The following PCDHGA8 variants were observed in gnomAD, a reference collection of about 807,000 sequenced individuals.
The protein encoded by PCDHGA8 is protocadherin gamma subfamily A, 8.
In PCDHGA8, 45 loss-of-function variants were observed where a neutral mutation model predicts 59.2. That is an observed-to-expected ratio of 0.76 (90% CI 0.60 to 0.98). The LOEUF is 0.98. Among genes scored for constraint, PCDHGA8 ranks in the 50% least tolerant of loss-of-function variants. PCDHGA8 has a pLI of 0.00. For missense variants in PCDHGA8, 1,257 were observed against 1,196.2 expected (o/e 1.05, Z -0.75); for synonymous variants, 531 against 519.0 (o/e 1.02, Z -0.32).
chr5:141,428,108 G>C (rs771684309), intron 1 of PCDHGA8: 6 of 1,608,094 alleles, frequency 3.7e-6, no homozygotes, highest in Admixed American at 1.7e-5. Context: ...ACGTGCTGCA[G>C]GCCATCGAGC....
At chr5:141,449,467 C>G (rs1356192128) in intron 1 of PCDHGA8, among the ~76,000 whole-genome samples, 1 of 150,842 alleles carries the variant, frequency 6.6e-6, no homozygotes, top group South Asian at 2.1e-4. Flanking sequence ...ATTAGCCAGG[C>G]CTGGTACCCC....
At chr5:141,412,713 TG>T (rs1172943618) in intron 1 of PCDHGA8, 2 of 152,812 alleles carry the variant, frequency 1.3e-5, no homozygotes, top group Non-Finnish European at 2.9e-5. Context: ...TGTACATTTC[TG>T]TTGGGAAAAC....
At chr5:141,400,551 T>G in intron 1 of PCDHGA8, 1 of 1,613,726 alleles carries the variant, frequency 6.2e-7, no homozygotes, top group Non-Finnish European at 8.5e-7. Context: ...TCTATTCTTT[T>G]TCATTACCCA....
intron 1 of PCDHGA8, chr5:141,400,587 C>T: frequency 6.2e-7 from 1 of 1,606,696 alleles, no homozygotes; most frequent in South Asian, 1.1e-5. Flanking sequence ...TTACATGAAA[C>T]TATCGTACAT....
At chr5:141,471,571 A>G (rs1417147609) in intron 1 of PCDHGA8, 1 of 152,224 alleles carries the variant, frequency 6.6e-6, no homozygotes, top group African/African-American at 2.4e-5. Context: ...GGGTAGCAGT[A>G]GATAGGGTAA....
intron 1 of PCDHGA8, chr5:141,413,899 A>G: frequency 1.2e-6 from 2 of 1,613,286 alleles, no homozygotes; most frequent in Non-Finnish European, 1.7e-6. Context: ...TGCAAATGAC[A>G]ACGCGCCGGT....
chr5:141,477,175 A>T lies in PCDHGA8; in HGVS notation c.2425-17632A>T, dbSNP rs1338347224. On this transcript the variant is annotated intron_variant, in intron 1 of 3. Transcript: ENST00000398604. This position sits in a 1 kb window ranked among gnomAD's most constrained non-coding sequence, Gnocchi z 4.9. ...TGAATGACAACGCCCCGGAGATCAC[A>T]GTCACCTCCGTGTACAGCCCAGTAC... is the stretch of plus-strand genomic sequence containing the variant. The T allele has an allele frequency of 1.2e-6, 2 of 1,614,186 alleles. No individual in the cohort carries two copies. The highest frequency in any genetic ancestry group is 3.3e-5 in the Admixed American group (2 of 60,028).
intron 1 of PCDHGA8, among the ~76,000 whole-genome samples, chr5:141,445,961 G>T (rs944876169): frequency 1.3e-5 from 2 of 152,158 alleles, no homozygotes; most frequent in Non-Finnish European, 2.9e-5. Context: ...GCTATATGGA[G>T]AATTGATTTA....
intron 1 of PCDHGA8, among the ~76,000 whole-genome samples, chr5:141,448,809 A>G (rs998129053): frequency 9.2e-5 from 14 of 151,812 alleles, no homozygotes; most frequent in Non-Finnish European, 1.8e-4. Flanking sequence ...GCCAGGCGTG[A>G]TGGCGGGCGC....
intron 1 of PCDHGA8, 106 bp from the exon 2 acceptor site, chr5:141,494,701 C>T: frequency 6.3e-7 from 1 of 1,594,596 alleles, no homozygotes; most frequent in Admixed American, 1.7e-5. Flanking sequence ...CCGTTTTCTT[C>T]TCTGTGCCCA....
intron 1 of PCDHGA8, chr5:141,404,452 T>G (rs1197188094): frequency 2.5e-6 from 4 of 1,613,228 alleles, no homozygotes; most frequent in Non-Finnish European, 3.4e-6. Context: ...AAGGGTCTCC[T>G]CTCTCCACCT....
In PCDHGA8 at chr5:141,486,370, T is replaced by A; in HGVS notation, c.2425-8437T>A. On this transcript the variant is annotated intron_variant, in intron 1 of 3. Transcript: ENST00000398604. This position sits in a 1 kb window ranked among gnomAD's most constrained non-coding sequence, Gnocchi z 5.0. ...ACCACTTGCCATTTGCCCTCAAGTC[T>A]GCCTTCAGGAACCAGTTCTCCCTGG... 1 of 1,614,106 alleles carries A rather than the reference T, an allele frequency of 6.2e-7. No homozygotes were observed. The highest frequency in any genetic ancestry group is 8.5e-7 in the Non-Finnish European group (1 of 1,179,986).
intron 1 of PCDHGA8, chr5:141,441,621 G>C (rs2098260273): frequency 9.0e-6 from 2 of 223,292 alleles, no homozygotes; most frequent in Non-Finnish European, 1.8e-5. Flanking sequence ...CGTGGCCAGT[G>C]ACCTGGAGCC....
At position 141,489,662 on chromosome 5, in the gene PCDHGA8, G is replaced by A. The variant is rs2233601; in HGVS notation, c.2425-5145G>A. On this transcript the variant is annotated intron_variant, in intron 1 of 3. Coordinates refer to ENST00000398604, the MANE Select transcript of PCDHGA8 (RefSeq NM_032088.2). This position sits in a 1 kb window ranked among gnomAD's most constrained non-coding sequence, Gnocchi z 4.5. ...TTTGCCACCCCTGAGCGAGAGATGC[G>A]CATCTCAGAATCAGCAGCATCTGGG... The A allele has an allele frequency of 4.0e-4, 649 of 1,614,144 alleles. 2 individuals are homozygous for A. The highest frequency in any genetic ancestry group is 1.5e-3 in the Middle Eastern group (9 of 6,062).
At chr5:141,475,760 C>T (rs1480762060) in intron 1 of PCDHGA8, among the ~76,000 whole-genome samples, 1 of 152,286 alleles carries the variant, frequency 6.6e-6, no homozygotes, top group Non-Finnish European at 1.5e-5. Flanking sequence ...TGCACCGATA[C>T]TGGCAAGGCG....
At chr5:141,478,442 C>G (rs1245219009) in intron 1 of PCDHGA8, 1 of 1,613,608 alleles carries the variant, frequency 6.2e-7, no homozygotes, top group Non-Finnish European at 8.5e-7. Flanking sequence ...GCTGAAGAAA[C>G]CTGGTGCAGC....
intron 1 of PCDHGA8, chr5:141,404,714 G>A: frequency 3.1e-6 from 5 of 1,614,068 alleles, no homozygotes; most frequent in Non-Finnish European, 4.2e-6. Flanking sequence ...TGGCTACCTG[G>A]TGACCAAGGT....
At position 141,491,613 on chromosome 5, in the gene PCDHGA8, A is replaced by AC; in HGVS notation, c.2425-3190dup. On this transcript the variant is annotated intron_variant, in intron 1 of 3. Coordinates refer to ENST00000398604, the MANE Select transcript of PCDHGA8 (RefSeq NM_032088.2). The surrounding 1 kb of genome is among the most constrained non-coding windows in gnomAD (Gnocchi z 6.9). Reference sequence around the variant, plus strand: ...ACGGCAGTGACTTCACTTTTCTAAGACCCCTCAGCGTTCAGCAGCCCACAG... The same window carrying AC: ...ACGGCAGTGACTTCACTTTTCTAAGACCCCCTCAGCGTTCAGCAGCCCACAG... 6.2e-7 allele frequency: 1 copy of AC among 1,613,568 alleles called. No homozygotes were observed. Among genetic ancestry groups the AC allele is most frequent in the Non-Finnish European group, 8.5e-7 (1 of 1,179,968 alleles).
At chr5:141,414,446 T>C in intron 1 of PCDHGA8, 1 of 1,613,864 alleles carries the variant, frequency 6.2e-7, no homozygotes, top group Non-Finnish European at 8.5e-7. Flanking sequence ...TCTTACAATA[T>C]CACAGTGACA....
Sources: allele counts gnomAD v4.1 joint callset (sites outside exome capture counted in the v4.1 genomes callset), GRCh38; gene constraint gnomAD v4.1.1; non-coding constraint Gnocchi (gnomAD v3.1); transcripts MANE v1.5; gene names NCBI Gene and HGNC (gene_info 2026-07-23, HGNC 2026-07-21).